Variants in PAPPA2 observed in about 807,000 individuals in gnomAD.
PAPPA2 encodes pappalysin 2.
Under a neutral mutation model 176.4 loss-of-function variants are expected in PAPPA2, and 86 were observed. The observed-to-expected ratio is 0.49, with a 90% CI of 0.41 to 0.58. The LOEUF is 0.58. Among genes scored for constraint, PAPPA2 ranks in the 20% least tolerant of loss-of-function variants. PAPPA2 has a pLI of 0.00. For synonymous variants in PAPPA2, 809 were observed against 852.2 expected (o/e 0.95, Z 0.88); for missense variants, 2,073 against 2,256.9 (o/e 0.92, Z 1.65).
chr1:176,560,952 T>C (rs2102597840), intron 2 of PAPPA2, among the ~76,000 whole-genome samples: 1 of 152,284 alleles, frequency 6.6e-6, no homozygotes, highest in East Asian at 1.9e-4. Flanking sequence ...ATTTATTGAG[T>C]GCCTTCCATG....
At chr1:176,678,663 GT>G in intron 4 of PAPPA2, among the ~76,000 whole-genome samples, 1 of 151,610 alleles carries the variant, frequency 6.6e-6, no homozygotes, top group African/African-American at 2.4e-5. Context: ...AGTCAGGCCA[GT>G]AAGAGGAAAG....
chr1:176,532,752 G>A (rs1203700876), intron 1 of PAPPA2, among the ~76,000 whole-genome samples: 3 of 152,142 alleles, frequency 2.0e-5, no homozygotes, highest in South Asian at 2.1e-4. Flanking sequence ...ACACAGCCAC[G>A]TCATGTCATG....
At chr1:176,678,574 GT>G (rs1411646027) in intron 4 of PAPPA2, among the ~76,000 whole-genome samples, 2 of 150,322 alleles carry the variant, frequency 1.3e-5, no homozygotes, top group Non-Finnish European at 3.0e-5. Context: ...TTTTTGTAAT[GT>G]TTTTCCTTTA....
intron 3 of PAPPA2, among the ~76,000 whole-genome samples, chr1:176,651,783 T>G (rs189165797): frequency 3.4e-4 from 52 of 151,756 alleles, no homozygotes; most frequent in Non-Finnish European, 1.5e-5. Flanking sequence ...AGATTTGGTC[T>G]TTTGAGATAA....
chr1:176,601,959 G>T (rs1654349314), intron 3 of PAPPA2, among the ~76,000 whole-genome samples: 1 of 152,092 alleles, frequency 6.6e-6, no homozygotes, highest in African/African-American at 2.4e-5. Flanking sequence ...CATTAAATCT[G>T]GAACTCTGCT....
chr1:176,672,713 C>T (rs976598428), intron 4 of PAPPA2, among the ~76,000 whole-genome samples: 1 of 152,058 alleles, frequency 6.6e-6, no homozygotes, highest in African/African-American at 2.4e-5. Context: ...TGTATATATA[C>T]ACATATATGC....
chr1:176,783,694 C>T (rs765036856), intron 17 of PAPPA2, among the ~76,000 whole-genome samples: 8 of 152,178 alleles, frequency 5.3e-5, no homozygotes, highest in South Asian at 2.1e-4. Flanking sequence ...AGAGCAAGAA[C>T]GCTCAACTAA....
chr1:176,503,948 G>A lies in PAPPA2; in HGVS notation c.-917+40530G>A, dbSNP rs189231562. On this transcript the variant is annotated intron_variant, in intron 1 of 22. Transcript: ENST00000367662. Reference sequence around the variant, plus strand: ...TGAAATAAACATCTCTACAGAAGTGGGATGAAAAAACTCAGCATCAATGTC... The same window carrying A: ...TGAAATAAACATCTCTACAGAAGTGAGATGAAAAAACTCAGCATCAATGTC... Among the ~76,000 whole-genome samples, 172 of 152,170 alleles carry A rather than the reference G, an allele frequency of 1.1e-3. 1 individual carries two copies. The highest frequency in any genetic ancestry group is 0.01 in the Middle Eastern group (3 of 294).
chr1:176,681,914 G>A (rs1176106210), intron 4 of PAPPA2, among the ~76,000 whole-genome samples: 1 of 152,116 alleles, frequency 6.6e-6, no homozygotes, highest in Non-Finnish European at 1.5e-5. Flanking sequence ...GTGGACTGCG[G>A]CAGAGTAGCT....
intron 1 of PAPPA2, among the ~76,000 whole-genome samples, chr1:176,534,616 A>G (rs1271072121): frequency 6.6e-6 from 1 of 152,250 alleles, no homozygotes; most frequent in Non-Finnish European, 1.5e-5. Context: ...TAACTACAAG[A>G]AAGCCAATAT....
At chr1:176,466,238 A>C (rs1651613580) in intron 1 of PAPPA2, among the ~76,000 whole-genome samples, 1 of 152,178 alleles carries the variant, frequency 6.6e-6, no homozygotes, top group African/African-American at 2.4e-5. Context: ...TAATTGGAAA[A>C]ATTGCTGCAA....
At chr1:176,718,748 G>A (rs1251402683) in intron 12 of PAPPA2, among the ~76,000 whole-genome samples, 1 of 150,418 alleles carries the variant, frequency 6.6e-6, no homozygotes, top group Non-Finnish European at 1.5e-5. Flanking sequence ...GTGGTCAAAA[G>A]TATATTCTAT....
At chr1:176,506,052 T>C (rs1329956081) in intron 1 of PAPPA2, among the ~76,000 whole-genome samples, 4 of 152,110 alleles carry the variant, frequency 2.6e-5, no homozygotes, top group Non-Finnish European at 5.9e-5. Context: ...CCAATTTCAT[T>C]CTTCTGTGTG....
chr1:176,642,139 G>T (rs10913227), intron 3 of PAPPA2, among the ~76,000 whole-genome samples: 37,838 of 151,604 alleles, frequency 0.25, 4,848 homozygotes, highest in South Asian at 0.33. Context: ...TATAGGAATG[G>T]CTCTGAAAGG....
chr1:176,768,368 A>G (rs1480618320), intron 15 of PAPPA2, among the ~76,000 whole-genome samples: 1 of 151,990 alleles, frequency 6.6e-6, no homozygotes, highest in Non-Finnish European at 1.5e-5. Flanking sequence ...CTCCTGTTAT[A>G]CCATCACACA....
intron 1 of PAPPA2, among the ~76,000 whole-genome samples, chr1:176,508,187 C>T (rs187570178): frequency 2.5e-3 from 381 of 152,216 alleles, no homozygotes; most frequent in South Asian, 0.016. Context: ...AGAAAGACTA[C>T]GAAATCCATC....
intron 2 of PAPPA2, among the ~76,000 whole-genome samples, chr1:176,573,056 G>A (rs1652446306): frequency 6.6e-6 from 1 of 152,152 alleles, no homozygotes; most frequent in Non-Finnish European, 1.5e-5. Context: ...AGAGAGATGG[G>A]GTGAGGGTGG....
At chr1:176,714,898 T>G (rs1193777646) in intron 12 of PAPPA2, among the ~76,000 whole-genome samples, 4 of 152,148 alleles carry the variant, frequency 2.6e-5, no homozygotes, top group Admixed American at 6.5e-5. Flanking sequence ...AATAAATATT[T>G]CAAAAATTAT....
At chr1:176,829,348 C>T (rs1666996723) in intron 21 of PAPPA2, among the ~76,000 whole-genome samples, 1 of 152,106 alleles carries the variant, frequency 6.6e-6, no homozygotes, top group South Asian at 2.1e-4. Context: ...TTAATCCAAA[C>T]AAGGCATACG....
Sources: allele counts gnomAD v4.1 joint callset (sites outside exome capture counted in the v4.1 genomes callset), GRCh38; gene constraint gnomAD v4.1.1; transcripts MANE v1.5; gene names NCBI Gene and HGNC (gene_info 2026-07-23, HGNC 2026-07-21).